The following FAM187B variants were observed in gnomAD, a reference collection of about 807,000 sequenced individuals.
FAM187B encodes protein FAM187B.
In FAM187B, 22 loss-of-function variants were observed where a neutral mutation model predicts 22.6. The observed-to-expected ratio is 0.97, with a 90% CI of 0.70 to 1.39. FAM187B has a LOEUF of 1.39. Ranked by LOEUF, FAM187B falls within the 40% of genes most tolerant of loss-of-function variation. FAM187B has a pLI of 0.00. For missense variants in FAM187B, 433 were observed against 462.1 expected (o/e 0.94, Z 0.58); for synonymous variants, 192 against 201.8 (o/e 0.95, Z 0.41).
At chr19:35,226,435 C>G (rs2065661708) in intron 1 of FAM187B, among the ~76,000 whole-genome samples, 1 of 152,078 alleles carries the variant, frequency 6.6e-6, no homozygotes, top group African/African-American at 2.4e-5. Flanking sequence ...TGTACTCCAG[C>G]CAGGGTGAAA....
chr19:35,227,032 G>A (rs2065663582), intron 1 of FAM187B, among the ~76,000 whole-genome samples: 1 of 152,132 alleles, frequency 6.6e-6, no homozygotes, highest in Non-Finnish European at 1.5e-5. Flanking sequence ...GATGGAGGCG[G>A]GCATTGGAGA....
intron 1 of FAM187B, 61 bp from the exon 2 acceptor site, chr19:35,225,273 G>C: frequency 7.0e-7 from 1 of 1,435,638 alleles, no homozygotes; most frequent in Non-Finnish European, 9.1e-7. Flanking sequence ...ACGTCTCCCT[G>C]AGGAACAGAA....
chr19:35,228,498 G>A lies in FAM187B; in HGVS notation c.183C>T (p.Gly61=), dbSNP rs960026326. 1 of 1,614,224 alleles carries A rather than the reference G, an allele frequency of 6.2e-7. No individual in the cohort carries two copies. The highest frequency in any genetic ancestry group is 8.5e-7 in the Non-Finnish European group (1 of 1,180,046). Residue 61 remains glycine (G), a synonymous_variant, in exon 1 of 2, where the codon GGC becomes GGT. Transcript: ENST00000324675. ...WYYLFTQGKK[G]RLTSLTNISN... ...AAATATTGGTGAGGCTGGTGAGCCT[G>A]CCCTTCTTGCCTTGTGTGAATAAAT...
In FAM187B at chr19:35,228,670, A is replaced by G; in HGVS notation, c.11T>C (p.Met4Thr). 6.2e-7 allele frequency: 1 copy of G among 1,607,552 alleles called. No individual in the cohort carries two copies. Among genetic ancestry groups the G allele is most frequent in the Non-Finnish European group, 8.5e-7 (1 of 1,177,432 alleles). The change falls in exon 1 of 2, where the codon ATG (methionine) becomes ACG (threonine). Residue 4 changes from methionine (M) to threonine (T), a missense_variant. Physicochemically the swap from Met to Thr is moderately conservative, Grantham distance 81 (BLOSUM62 -1). Transcript: ENST00000324675. Reference sequence around the variant, plus strand: ...AGCAAAGTGGAGCAGCAGCCACAGCATGGGTGGCATGGTGGACTGGGGCTG... The same window carrying G: ...AGCAAAGTGGAGCAGCAGCCACAGCGTGGGTGGCATGGTGGACTGGGGCTG... MPP[M>T]LWLLLHFAAP...
intron 1 of FAM187B, among the ~76,000 whole-genome samples, chr19:35,226,424 C>T (rs1418833318): frequency 6.6e-6 from 1 of 152,132 alleles, no homozygotes; most frequent in East Asian, 1.9e-4. Context: ...GATTGTGCCA[C>T]TGTACTCCAG....
chr19:35,228,006 CTCA>C lies in FAM187B; in HGVS notation c.672_674del (p.Asp224del). ...AGTCGAGCCACACAAATTCTGTCTT[CTCA>C]TCGAGCCTGAAGTTGTCAAAAATGA... On this transcript the variant is annotated inframe_deletion, in exon 1 of 2. Coordinates refer to ENST00000324675, the MANE Select transcript of FAM187B (RefSeq NM_152481.2). 5.0e-6 allele frequency: 8 copies of C among 1,614,032 alleles called. No homozygotes were observed. The highest frequency in any genetic ancestry group is 6.8e-6 in the Non-Finnish European group (8 of 1,179,888).
chr19:35,228,732 T>A lies in FAM187B; in HGVS notation c.-52A>T. The A allele has an allele frequency of 6.4e-7, 1 of 1,551,674 alleles. No individual in the cohort carries two copies. The highest frequency in any genetic ancestry group is 8.7e-7 in the Non-Finnish European group (1 of 1,154,464). On this transcript the variant is annotated 5_prime_UTR_variant, in exon 1 of 2. Coordinates refer to ENST00000324675, the MANE Select transcript of FAM187B (RefSeq NM_152481.2). ...TGGTGCCACCCCGAACATTGTGAGG[T>A]CACCCATGAACTCTGGCCTCAGCCC... is the stretch of plus-strand genomic sequence containing the variant.
chr19:35,228,042 C>T lies in FAM187B; in HGVS notation c.639G>A (p.Val213=), dbSNP rs769534359. The change falls in exon 1 of 2, where the codon GTG becomes GTA. Residue 213 remains valine, a synonymous_variant. Coordinates refer to ENST00000324675, the MANE Select transcript of FAM187B (RefSeq NM_152481.2). ...VQCTNNTQLR[V]DYVIFDNFRL... Reference sequence around the variant, plus strand: ...TGAAGTTGTCAAAAATGACGTAATCCACCCTTAACTGTGTGTTATTGGTGC... The same window carrying T: ...TGAAGTTGTCAAAAATGACGTAATCTACCCTTAACTGTGTGTTATTGGTGC... The T allele has an allele frequency of 6.2e-7, 1 of 1,614,026 alleles. No homozygotes were observed. Among genetic ancestry groups the T allele is most frequent in the Non-Finnish European group, 8.5e-7 (1 of 1,179,986 alleles).
chr19:35,225,357 G>C, intron 1 of FAM187B, 145 bp from the exon 2 acceptor site: 2 of 1,047,906 alleles, frequency 1.9e-6, no homozygotes, highest in Non-Finnish European at 2.6e-6. Context: ...GTGGGGTGGA[G>C]GAGGCACAGC....
In FAM187B at chr19:35,228,390, G is replaced by A. The variant is rs746160884; in HGVS notation, c.291C>T (p.Asn97=). The part of the protein sequence containing the change: ...PSQTGLYHCW[N]KNGRQVVQYE... ...ACTGCACCACTTGGCGGCCATTCTT[G>A]TTCCAGCAGTGGTAGAGGCCCGTCT... The change falls in exon 1 of 2, where the codon AAC becomes AAT. Residue 97 remains asparagine (N), a synonymous_variant. Coordinates refer to ENST00000324675, the MANE Select transcript of FAM187B (RefSeq NM_152481.2). The A allele has an allele frequency of 2.0e-4, 316 of 1,613,906 alleles. 4 individuals are homozygous for A. The South Asian group carries it at 3.2e-3, about 16-fold the overall frequency.
intron 1 of FAM187B, among the ~76,000 whole-genome samples, chr19:35,227,471 C>T (rs1314662922): frequency 9.2e-5 from 14 of 152,150 alleles, no homozygotes; most frequent in East Asian, 3.9e-4. Context: ...CCACCCACCT[C>T]GGCCTCCCAA....
At position 35,227,982 on chromosome 19, in the gene FAM187B, G is replaced by C; in HGVS notation, c.699C>G (p.Asp233Glu). 6.2e-7 allele frequency: 1 copy of C among 1,612,582 alleles called. No individual in the cohort carries two copies. Among genetic ancestry groups the C allele is most frequent in the Non-Finnish European group, 8.5e-7 (1 of 1,179,014 alleles). ...ACCTGTACATGGATCCTAAGGGACA[G>C]TCGAGCCACACAAATTCTGTCTTCT... ...LDEKTEFVWLDCPLGSMYRPV... is the reference protein window; with the variant it reads ...LDEKTEFVWLECPLGSMYRPV... The change falls in exon 1 of 2, where the codon GAC becomes GAG. Residue 233 changes from aspartate (D) to glutamate (E), a missense_variant. Asp to Glu is a conservative substitution (Grantham distance 45, BLOSUM62 2). Transcript: ENST00000324675.
In FAM187B at chr19:35,224,874, A is replaced by T; in HGVS notation, c.1061T>A (p.Ile354Asn). 1 of 1,613,756 alleles carries T rather than the reference A, an allele frequency of 6.2e-7. No individual in the cohort carries two copies. The highest frequency in any genetic ancestry group is 1.1e-5 in the South Asian group (1 of 91,058). The change falls in exon 2 of 2, where the codon ATC becomes AAC. Residue 354 changes from isoleucine (I) to asparagine (N), a missense_variant. Transcript: ENST00000324675. ...GCTTCTCCTGCCCGGGGAAGGGTGG[A>T]TGCACTTGAGCAGCGCCCCCAGCAG... ...LALLGALLKC[I>N]HPSPGRRSTQ...
At position 35,228,015 on chromosome 19, in the gene FAM187B, C is replaced by T. The variant is rs771706315; in HGVS notation, c.666G>A (p.Arg222=). Residue 222 remains arginine, a synonymous_variant, in exon 1 of 2, where the codon AGG becomes AGA. Coordinates refer to ENST00000324675, the MANE Select transcript of FAM187B (RefSeq NM_152481.2). ...RVDYVIFDNF[R]LDEKTEFVWL... Reference sequence around the variant, plus strand: ...ACACAAATTCTGTCTTCTCATCGAGCCTGAAGTTGTCAAAAATGACGTAAT... The same window carrying T: ...ACACAAATTCTGTCTTCTCATCGAGTCTGAAGTTGTCAAAAATGACGTAAT... The T allele has an allele frequency of 6.8e-6, 11 of 1,614,026 alleles. No homozygotes were observed. Among genetic ancestry groups the T allele is most frequent in the East Asian group, 2.2e-5 (1 of 44,896 alleles).
chr19:35,227,652 C>G (rs1365910451), intron 1 of FAM187B, among the ~76,000 whole-genome samples: 1 of 152,184 alleles, frequency 6.6e-6, no homozygotes, highest in Non-Finnish European at 1.5e-5. Context: ...GCCCCGGGGG[C>G]ACCAGCCTCT....
In FAM187B at chr19:35,228,531, G is replaced by C; in HGVS notation, c.150C>G (p.His50Gln). 6.2e-7 allele frequency: 1 copy of C among 1,614,200 alleles called. No homozygotes were observed. Among genetic ancestry groups the C allele is most frequent in the Non-Finnish European group, 8.5e-7 (1 of 1,180,040 alleles). Residue 50 changes from histidine to glutamine, a missense_variant, in exon 1 of 2, where the codon CAC becomes CAG. Coordinates refer to ENST00000324675, the MANE Select transcript of FAM187B (RefSeq NM_152481.2). ...ILLYCNSSGAHWYYLFTQGKK... is the reference protein window; with the variant it reads ...ILLYCNSSGAQWYYLFTQGKK... Reference sequence around the variant, plus strand: ...TGCCTTGTGTGAATAAATAGTACCAGTGCGCCCCCGAGGAGTTGCAATACA... The same window carrying C: ...TGCCTTGTGTGAATAAATAGTACCACTGCGCCCCCGAGGAGTTGCAATACA...
intron 1 of FAM187B, 50 bp downstream of exon 1, chr19:35,227,909 C>T (rs189940662): frequency 1.3e-6 from 2 of 1,559,404 alleles, no homozygotes; most frequent in Non-Finnish European, 1.7e-6. Context: ...CAGGAAGGAT[C>T]CCCTGACCGG....
At position 35,224,944 on chromosome 19, in the gene FAM187B, G is replaced by A; in HGVS notation, c.991C>T (p.Leu331Phe). The A allele has an allele frequency of 6.2e-7, 1 of 1,613,836 alleles. No individual in the cohort carries two copies. Among genetic ancestry groups the A allele is most frequent in the South Asian group, 1.1e-5 (1 of 91,082 alleles). The part of the protein sequence containing the change: ...KALRGRADSV[L>F]KGLKLVLLVV... ...AGCAGCACCAGCTTCAGCCCCTTGA[G>A]CACGGAGTCCGCCCTGCCCCGCAGG... The change falls in exon 2 of 2, where the codon CTC (leucine) becomes TTC (phenylalanine). Residue 331 changes from leucine (L) to phenylalanine (F), a missense_variant. Physicochemically the swap from Leu to Phe is conservative, Grantham distance 22. Transcript: ENST00000324675.
At position 35,226,955 on chromosome 19, in the gene FAM187B, C is replaced by T. The variant is rs28592719; in HGVS notation, c.722+1004G>A. ...AGGTGGGCCCTCAATCCCATCTGAC[C>T]GGTGTCCTTTTAAGAAAAGGAAAAG... On this transcript the variant is annotated intron_variant, in intron 1 of 1. Transcript: ENST00000324675. 6.1e-3 allele frequency among the ~76,000 whole-genome samples: 927 copies of T among 152,216 alleles called. 13 individuals carry two copies. Among genetic ancestry groups the T allele is most frequent in the African/African-American group, 0.021 (868 of 41,532 alleles).
Sources: gnomAD v4.1 joint callset for allele counts (sites outside exome capture counted in the v4.1 genomes callset) on GRCh38, gnomAD v4.1.1 for gene constraint, MANE v1.5 for transcripts, NCBI Gene and HGNC (gene_info 2026-07-23, HGNC 2026-07-21) for gene names.